The following FGF14 variants were observed in gnomAD, a reference collection of about 807,000 sequenced individuals.
The protein encoded by FGF14 is fibroblast growth factor homologous factor 4.
FGF14 carries 5 observed loss-of-function variants against 25.5 expected under a neutral mutation model. The observed-to-expected ratio is 0.20, with a 90% CI of 0.10 to 0.41. The LOEUF is 0.41. Ranked by LOEUF, FGF14 falls within the 10% of genes least tolerant of loss-of-function variation. FGF14 has a pLI of 1.00. For synonymous variants in FGF14, 138 were observed against 118.3 expected (o/e 1.17, Z -1.08); for missense variants, 222 against 320.1 (o/e 0.69, Z 2.34).
intron 1 of FGF14, among the ~76,000 whole-genome samples, chr13:101,986,320 C>T (rs561525815): frequency 2.0e-4 from 30 of 152,188 alleles, no homozygotes; most frequent in African/African-American, 7.0e-4. Context: ...TGTGATGATC[C>T]ACTCTACTTC....
At chr13:102,118,412 C>T (rs1310545028) in intron 1 of FGF14, among the ~76,000 whole-genome samples, 1 of 151,588 alleles carries the variant, frequency 6.6e-6, no homozygotes, top group Non-Finnish European at 1.5e-5. Flanking sequence ...GAAAATAATA[C>T]CCCAGTGACA....
intron 1 of FGF14, among the ~76,000 whole-genome samples, chr13:102,193,699 A>C (rs1464864466): frequency 6.6e-6 from 1 of 152,192 alleles, no homozygotes; most frequent in Non-Finnish European, 1.5e-5. Context: ...CACATGAGAA[A>C]CTATAGAGTT....
intron 3 of FGF14, among the ~76,000 whole-genome samples, chr13:101,803,119 ATTTTGAAACTTT>A (rs1259044793): frequency 2.8e-5 from 4 of 144,742 alleles, no homozygotes; most frequent in Admixed American, 2.7e-4. Context: ...AAGTGCTGTC[ATTTTGAAACTTT>A]TTTTTTTTTT....
chr13:102,250,953 T>A (rs2141069347), intron 1 of FGF14, among the ~76,000 whole-genome samples: 1 of 152,292 alleles, frequency 6.6e-6, no homozygotes, highest in Non-Finnish European at 1.5e-5. Context: ...GCTAACCTCA[T>A]TGAGAAATTA....
intron 3 of FGF14, among the ~76,000 whole-genome samples, chr13:101,796,964 G>A (rs978739185): frequency 6.6e-6 from 1 of 152,058 alleles, no homozygotes; most frequent in East Asian, 1.9e-4. Flanking sequence ...TGACCTCCAC[G>A]GGATAACTAT....
intron 3 of FGF14, among the ~76,000 whole-genome samples, chr13:101,824,651 C>T (rs1262427718): frequency 1.3e-5 from 2 of 152,090 alleles, no homozygotes. Flanking sequence ...AAAATAATGT[C>T]TTTTTATGTG....
At chr13:102,359,574 G>C (rs753116649) in intron 1 of FGF14, among the ~76,000 whole-genome samples, 1 of 152,048 alleles carries the variant, frequency 6.6e-6, no homozygotes, top group Admixed American at 6.6e-5. Flanking sequence ...TTTCCCTAAG[G>C]AAAAATAATA....
rs2035073477 is a variant in FGF14 at position 101,722,691 on chromosome 13, C to A, written c.*140G>T. 8.5e-7 allele frequency: 1 copy of A among 1,172,154 alleles called. No individual in the cohort carries two copies. The highest frequency in any genetic ancestry group is 1.5e-5 in the African/African-American group (1 of 65,942). The allele number at this position is 1,172,154 out of a possible 1,614,324, so 72.6% of individuals were successfully genotyped here. A position where few individuals can be genotyped will look rare whatever the true frequency, so the allele number is the denominator to read the frequency against. ...CAGGTTGAGATTTATCCACTTGCAA[C>A]AGAGAAGTTCGGAGACAGCAAAGAA... On this transcript the variant is annotated 3_prime_UTR_variant, in exon 5 of 5. Coordinates refer to ENST00000376143, the MANE Select transcript of FGF14 (RefSeq NM_004115.4).
At chr13:102,054,268 T>A (rs531580425) in intron 1 of FGF14, among the ~76,000 whole-genome samples, 9 of 152,332 alleles carry the variant, frequency 5.9e-5, no homozygotes, top group African/African-American at 2.2e-4. Flanking sequence ...TGTGGCATAA[T>A]GTATCACAAA....
chr13:102,230,969 C>G (rs2051059607), intron 1 of FGF14, among the ~76,000 whole-genome samples: 1 of 152,164 alleles, frequency 6.6e-6, no homozygotes, highest in South Asian at 2.1e-4. Context: ...ATGACATACT[C>G]AAGGTCTCAG....
chr13:102,187,216 C>G (rs1336729), intron 1 of FGF14, among the ~76,000 whole-genome samples: 1 of 152,042 alleles, frequency 6.6e-6, no homozygotes, highest in Non-Finnish European at 1.5e-5. Flanking sequence ...GATTAAACTG[C>G]ATTAGGAGGC....
chr13:102,017,520 T>C (rs551117441), intron 1 of FGF14, among the ~76,000 whole-genome samples: 1 of 152,290 alleles, frequency 6.6e-6, no homozygotes, highest in South Asian at 2.1e-4. Context: ...ATTTCTCTTC[T>C]CTCTATAGAA....
At chr13:102,331,115 A>C (rs1269676018) in intron 1 of FGF14, among the ~76,000 whole-genome samples, 1 of 152,146 alleles carries the variant, frequency 6.6e-6, no homozygotes, top group Non-Finnish European at 1.5e-5. Context: ...GTATGTCATA[A>C]AATTATTAAA....
chr13:102,264,313 A>T (rs2052872984), intron 1 of FGF14, among the ~76,000 whole-genome samples: 1 of 152,198 alleles, frequency 6.6e-6, no homozygotes, highest in African/African-American at 2.4e-5. Flanking sequence ...GCTCAAAAAA[A>T]GTTTGCATTC....
rs979921773 is a variant in FGF14 at position 101,900,168 on chromosome 13, C to T, written c.193+16285G>A. ...AAAATTAAAATATAACAGAGAGCTA[C>T]TTTTTAGTGTAGCTAAAGCCATGAC... On this transcript the variant is annotated intron_variant, in intron 1 of 4. Transcript: ENST00000376143. Among the ~76,000 whole-genome samples the T allele has an allele frequency of 3.9e-5, 6 of 152,172 alleles. No homozygotes were observed. The South Asian group carries it at 1.0e-3, about 26-fold the overall frequency.
intron 1 of FGF14, among the ~76,000 whole-genome samples, chr13:102,306,127 T>G (rs2055363951): frequency 6.6e-6 from 1 of 152,176 alleles, no homozygotes. Context: ...CTGTGTCTAT[T>G]TATGGCTCTG....
At chr13:101,864,657 G>A (rs2044599644) in intron 3 of FGF14, among the ~76,000 whole-genome samples, 1 of 152,002 alleles carries the variant, frequency 6.6e-6, no homozygotes, top group Non-Finnish European at 1.5e-5. Context: ...CATGAAAAAG[G>A]ATTATATTTC....
intron 1 of FGF14, among the ~76,000 whole-genome samples, chr13:101,894,813 C>T (rs2030381432): frequency 6.6e-6 from 1 of 152,070 alleles, no homozygotes; most frequent in African/African-American, 2.4e-5. Flanking sequence ...TTGAAACTGA[C>T]AAAGATATTG....
Position 102,273,750 on chromosome 13 carries a change from G to T in FGF14, c.208+127721C>A, listed in dbSNP as rs191627840. Among the ~76,000 whole-genome samples, 536 of 152,046 alleles carry T rather than the reference G, an allele frequency of 3.5e-3. 4 individuals carry two copies. The highest frequency in any genetic ancestry group is 0.012 in the African/African-American group (508 of 41,464). Reference sequence around the variant, plus strand: ...CTACAGGTCCAGGAGTTTAGGACCAGCCTGGCAACATAGTGAGACTCCAGC... The same window carrying T: ...CTACAGGTCCAGGAGTTTAGGACCATCCTGGCAACATAGTGAGACTCCAGC... On this transcript the variant is annotated intron_variant, in intron 1 of 4. Coordinates refer to the FGF14 transcript ENST00000376131.
Sources: allele counts gnomAD v4.1 joint callset (sites outside exome capture counted in the v4.1 genomes callset), GRCh38; gene constraint gnomAD v4.1.1; transcripts MANE v1.5; gene names NCBI Gene and HGNC (gene_info 2026-07-23, HGNC 2026-07-21).